The following OSGIN2 variants were observed in gnomAD, a reference collection of about 807,000 sequenced individuals.
The protein encoded by OSGIN2 is oxidative stress-induced growth inhibitor 2.
Under a neutral mutation model 53.8 loss-of-function variants are expected in OSGIN2, and 19 were observed. That is an observed-to-expected ratio of 0.35 (90% CI 0.25 to 0.52). The LOEUF (loss-of-function observed/expected upper bound fraction) is 0.52, where lower values mean the gene tolerates loss of function less well. Ranked by LOEUF, OSGIN2 falls within the 20% of genes least tolerant of loss-of-function variation. The pLI is 0.95. For synonymous variants in OSGIN2, 236 were observed against 236.0 expected (o/e 1.00, Z 0.00); for missense variants, 520 against 662.7 (o/e 0.78, Z 2.36).
chr8:89,918,944 T>G (rs1327901687), intron 4 of OSGIN2, among the ~76,000 whole-genome samples: 1 of 152,184 alleles, frequency 6.6e-6, no homozygotes, highest in African/African-American at 2.4e-5. Context: ...TCTAAATGGT[T>G]TTCTTACTCA....
intron 1 of OSGIN2, among the ~76,000 whole-genome samples, chr8:89,909,142 T>C (rs1808914174): frequency 6.7e-6 from 1 of 149,452 alleles, no homozygotes; most frequent in African/African-American, 2.5e-5. Context: ...ATTTATAATA[T>C]ATAAATACCG....
At position 89,914,229 on chromosome 8, in the gene OSGIN2, T is replaced by C. The variant is rs1390480151; in HGVS notation, c.336+16T>C. 6 of 1,560,526 alleles carry C rather than the reference T, an allele frequency of 3.8e-6. No individual in the cohort carries two copies. The highest frequency in any genetic ancestry group is 5.2e-6 in the Non-Finnish European group (6 of 1,153,804). ...TGTTGATCAGGTATTATTTCTTACA[T>C]GTCAATTTAAAAAATTTTTTTATGC... On this transcript the variant is annotated intron_variant, in intron 3 of 5. Transcript: ENST00000451899.
intron 4 of OSGIN2, among the ~76,000 whole-genome samples, chr8:89,919,084 G>A (rs1283138583): frequency 6.6e-6 from 1 of 152,114 alleles, no homozygotes; most frequent in Non-Finnish European, 1.5e-5. Context: ...TGTAGACTTC[G>A]TAATGTATCT....
At chr8:89,915,166 A>G (rs1210538155) in intron 4 of OSGIN2, among the ~76,000 whole-genome samples, 1 of 152,226 alleles carries the variant, frequency 6.6e-6, no homozygotes, top group African/African-American at 2.4e-5. Context: ...TGCGATAACA[A>G]AATGCCATAG....
rs1809321814 is a variant in OSGIN2 at position 89,925,914 on chromosome 8, T to C, written c.*382T>C. 1 of 178,656 alleles carries C rather than the reference T, an allele frequency of 5.6e-6. No individual in the cohort carries two copies. The highest frequency in any genetic ancestry group is 1.4e-4 in the East Asian group (1 of 7,156). 11.1% of individuals were successfully genotyped at this position (178,656 alleles called of 1,614,324 possible). ...GCCAGAAATTATCTTAAATATATAA[T>C]GGGTCACCTTGCTGTTCAAAGGGTG... On this transcript the variant is annotated 3_prime_UTR_variant, in exon 6 of 6. Coordinates refer to ENST00000451899, the MANE Select transcript of OSGIN2 (RefSeq NM_001126111.3).
chr8:89,909,037 A>AATATATATAT (rs1252373741), intron 1 of OSGIN2, among the ~76,000 whole-genome samples: 15 of 84,864 alleles, frequency 1.8e-4, no homozygotes, highest in African/African-American at 1.1e-3. Context: ...AAAAAAAAAA[A>AATATATATAT]ATATATATAT....
chr8:89,915,487 C>T (rs373864010), intron 4 of OSGIN2, among the ~76,000 whole-genome samples: 1 of 152,142 alleles, frequency 6.6e-6, no homozygotes, highest in Non-Finnish European at 1.5e-5. Flanking sequence ...AGATACAATT[C>T]GGTTCATAGC....
intron 2 of OSGIN2, among the ~76,000 whole-genome samples, 193 bp from the exon 3 acceptor site, chr8:89,913,884 T>C (rs1809021756): frequency 6.6e-6 from 1 of 152,146 alleles, no homozygotes; most frequent in African/African-American, 2.4e-5. Context: ...GTTGAAGCCT[T>C]GAGTAGATGA....
rs189049318 is a variant in OSGIN2 at position 89,913,946 on chromosome 8, A to G, written c.200-131A>G. ...GGCAGAGGTTAAAATCTCATGAAACATCTGGTTTTAAGAGATTAGAAAAGG... is the reference window on the plus strand; with the variant it reads ...GGCAGAGGTTAAAATCTCATGAAACGTCTGGTTTTAAGAGATTAGAAAAGG... On this transcript the variant is annotated intron_variant, in intron 2 of 5. Transcript: ENST00000451899. 77 of 746,150 alleles carry G rather than the reference A, an allele frequency of 1.0e-4. 1 individual carries two copies. The Admixed American group carries it at 1.5e-3, about 15-fold the overall frequency. 46.2% of individuals were successfully genotyped at this position (746,150 alleles called of 1,614,324 possible).
chr8:89,909,873 G>A (rs1808933095), intron 2 of OSGIN2, 152 bp downstream of exon 2: 2 of 470,244 alleles, frequency 4.3e-6, no homozygotes, highest in East Asian at 3.3e-5. Flanking sequence ...TCTTTGGAGA[G>A]TAATTGGTTT....
rs1204094447 is a variant in OSGIN2 at position 89,917,160 on chromosome 8, TTCCTTGGTC to T, written c.528+2419_528+2427del. 7.2e-5 allele frequency among the ~76,000 whole-genome samples: 11 copies of T among 152,350 alleles called. No homozygotes were observed. The East Asian group carries it at 2.1e-3, about 29-fold the overall frequency. On this transcript the variant is annotated intron_variant, in intron 4 of 5. Transcript: ENST00000451899. ...CAGAACCAAGATCTTAACCTTTTTG[TTCCTTGGTC>T]TCCTCATTCTTGATGATGATGTATT...
intron 4 of OSGIN2, among the ~76,000 whole-genome samples, chr8:89,918,439 C>T (rs1809127278): frequency 6.6e-6 from 1 of 152,176 alleles, no homozygotes; most frequent in Admixed American, 6.5e-5. Flanking sequence ...GCTGGGATTG[C>T]AGGTGTGTGC....
In OSGIN2 at chr8:89,902,853, G is replaced by A; in HGVS notation, c.44+16G>A. On this transcript the variant is annotated intron_variant, in intron 1 of 5. Transcript: ENST00000451899. ...GTCATTTCAGGTGACTTCCTCGCCG[G>A]GGATGGGAGGGGAGCAGGCGGGGAT... 6.6e-6 allele frequency: 9 copies of A among 1,370,416 alleles called. No homozygotes were observed. Among genetic ancestry groups the A allele is most frequent in the African/African-American group, 1.5e-5 (1 of 67,278 alleles). The allele number at this position is 1,370,416 out of a possible 1,614,324, so 84.9% of individuals were successfully genotyped here. A position where few individuals can be genotyped will look rare whatever the true frequency, so the allele number is the denominator to read the frequency against.
chr8:89,906,171 A>T (rs919389792), intron 1 of OSGIN2, among the ~76,000 whole-genome samples: 2 of 152,208 alleles, frequency 1.3e-5, no homozygotes, highest in Admixed American at 1.3e-4. Flanking sequence ...TCACGCAGGT[A>T]TTAAGCCTAG....
At chr8:89,920,983 A>T (rs949370144) in intron 4 of OSGIN2, 97 bp from the exon 5 acceptor site, 3 of 718,586 alleles carry the variant, frequency 4.2e-6, no homozygotes, top group Non-Finnish European at 4.7e-6. Context: ...AGTCATAATT[A>T]TTGTAAATGA....
Position 89,925,258 on chromosome 8 carries a change from C to G in OSGIN2, c.1376C>G (p.Ser459Cys), listed in dbSNP as rs543204295. 2.5e-6 allele frequency: 4 copies of G among 1,614,150 alleles called. No homozygotes were observed. In the Admixed American group the frequency reaches 6.7e-5, roughly 27 times the overall value. ...TCTGCAGCAGTAGTATTGATAGGTT[C>G]TCATCCTAATCTGTCTTTTCTGAAG... is the stretch of plus-strand genomic sequence containing the variant. Reference protein sequence around the residue: ...KLSAAVVLIGSHPNLSFLKDQ... With the variant: ...KLSAAVVLIGCHPNLSFLKDQ... Residue 459 changes from serine to cysteine, a missense_variant, in exon 6 of 6, where the codon TCT (serine) becomes TGT (cysteine). By Grantham distance (112) the Ser-to-Cys change is moderately radical (BLOSUM62 -1). Coordinates refer to ENST00000451899, the MANE Select transcript of OSGIN2 (RefSeq NM_001126111.3).
intron 2 of OSGIN2, among the ~76,000 whole-genome samples, chr8:89,913,146 ACT>A (rs1283616097): frequency 1.3e-5 from 2 of 152,012 alleles, no homozygotes; most frequent in African/African-American, 2.4e-5. Flanking sequence ...GATTATAGAA[ACT>A]CTGCCTACAT....
Position 89,924,500 on chromosome 8 carries a change from T to G in OSGIN2, c.621-3T>G. ...TAGGATATTTTTCCTTTTCCTTTTTTAGGAGCCTAAAAGGGGATCGAGTTA... is the reference window on the plus strand; with the variant it reads ...TAGGATATTTTTCCTTTTCCTTTTTGAGGAGCCTAAAAGGGGATCGAGTTA... On this transcript the variant is annotated splice_region_variant and splice_polypyrimidine_tract_variant and intron_variant, in intron 5 of 5. Coordinates refer to ENST00000451899, the MANE Select transcript of OSGIN2 (RefSeq NM_001126111.3). 6.4e-7 allele frequency: 1 copy of G among 1,572,690 alleles called. No individual in the cohort carries two copies. The highest frequency in any genetic ancestry group is 8.6e-7 in the Non-Finnish European group (1 of 1,163,594).
chr8:89,914,260 C>A, intron 3 of OSGIN2, 47 bp downstream of exon 3: 1 of 1,392,018 alleles, frequency 7.2e-7, no homozygotes, highest in Non-Finnish European at 9.9e-7. Flanking sequence ...TATGCTGAAA[C>A]AAGATTAGTT....
Sources: allele counts gnomAD v4.1 joint callset (sites outside exome capture counted in the v4.1 genomes callset), GRCh38; gene constraint gnomAD v4.1.1; transcripts MANE v1.5; gene names NCBI Gene and HGNC (gene_info 2026-07-23, HGNC 2026-07-21).